PLAUR: variants seen among roughly 807,000 people sequenced by gnomAD.
PLAUR encodes urokinase plasminogen activator surface receptor.
PLAUR carries 22 observed loss-of-function variants against 33.4 expected under a neutral mutation model. The observed-to-expected ratio is 0.66, with a 90% CI of 0.47 to 0.94. PLAUR has a LOEUF of 0.94. Among genes scored for constraint, PLAUR ranks in the 40% least tolerant of loss-of-function variants. The pLI is 0.00. For synonymous variants in PLAUR, 148 were observed against 167.3 expected (o/e 0.88, Z 0.89); for missense variants, 408 against 434.7 (o/e 0.94, Z 0.55).
At chr19:43,657,661 C>T (rs1974269437) in intron 3 of PLAUR, among the ~76,000 whole-genome samples, 3 of 152,214 alleles carry the variant, frequency 2.0e-5, no homozygotes, top group Admixed American at 2.0e-4. Flanking sequence ...TGGTCACTGT[C>T]TGGTGACAGG....
chr19:43,667,704 G>A lies in PLAUR; in HGVS notation c.56-13C>T, dbSNP rs1967318378. 1 of 1,612,914 alleles carries A rather than the reference G, an allele frequency of 6.2e-7. No individual in the cohort carries two copies. The highest frequency in any genetic ancestry group is 1.1e-5 in the South Asian group (1 of 91,066). ...AGGCCCCAAGAGGCTGGGGGAAGGA[G>A]GGAGAGGAGAGGAGAGGTTAACTAC... On this transcript the variant is annotated splice_polypyrimidine_tract_variant and intron_variant, in intron 1 of 6. Transcript: ENST00000340093.
In PLAUR at chr19:43,665,544, C is replaced by T. The variant is rs191493984; in HGVS notation, c.167-85G>A. ...ACTCCTGGTCTCAAGGTCATCCACT[C>T]CCAGGGCTGATCTCTGCTAGGCCTC... On this transcript the variant is annotated intron_variant, in intron 2 of 6. Coordinates refer to ENST00000340093, the MANE Select transcript of PLAUR (RefSeq NM_002659.4). The T allele has an allele frequency of 1.7e-4, 238 of 1,398,954 alleles. 2 individuals are homozygous for T. The African/African-American group carries it at 2.9e-3, about 17-fold the overall frequency. The allele number at this position is 1,398,954 out of a possible 1,614,324, so 86.7% of individuals were successfully genotyped here.
chr19:43,652,147 G>C (rs1450683017), intron 6 of PLAUR, 78 bp downstream of exon 6: 3 of 1,576,782 alleles, frequency 1.9e-6, no homozygotes, highest in Non-Finnish European at 2.6e-6. Context: ...GTTAACTCCA[G>C]CTTAACTGGA....
chr19:43,659,451 C>G (rs1974351801), intron 3 of PLAUR, among the ~76,000 whole-genome samples: 1 of 152,138 alleles, frequency 6.6e-6, no homozygotes, highest in South Asian at 2.1e-4. Flanking sequence ...CGCACCTGGC[C>G]AGGGCTCTGT....
chr19:43,656,371 G>T (rs1053335431), intron 4 of PLAUR, 108 bp downstream of exon 4: 2 of 1,018,064 alleles, frequency 2.0e-6, no homozygotes, highest in Non-Finnish European at 2.8e-6. Flanking sequence ...GTGTATGAGA[G>T]AACTTAGTCC....
intron 1 of PLAUR, chr19:43,667,937 C>A: frequency 7.4e-7 from 1 of 1,359,294 alleles, no homozygotes; most frequent in Non-Finnish European, 9.5e-7. Flanking sequence ...CCTGCCTTGG[C>A]CCGTTTTTCC....
At position 43,670,153 on chromosome 19, in the gene PLAUR, T is replaced by C. The variant is rs750785227; in HGVS notation, c.-33A>G. On this transcript the variant is annotated 5_prime_UTR_variant, in exon 1 of 7. Transcript: ENST00000340093. ...GGGCAGCTCCTGTGCGCGGGGTCCC[T>C]GCACGTCTTCTCTCCTTCTGGCCTC... is the stretch of plus-strand genomic sequence containing the variant. 3.7e-6 allele frequency: 6 copies of C among 1,603,532 alleles called. No individual in the cohort carries two copies.
In PLAUR at chr19:43,652,245, A is replaced by T; in HGVS notation, c.734T>A (p.Leu245Gln). 1 of 1,614,076 alleles carries T rather than the reference A, an allele frequency of 6.2e-7. No individual in the cohort carries two copies. Among genetic ancestry groups the T allele is most frequent in the Non-Finnish European group, 8.5e-7 (1 of 1,179,976 alleles). ...IDCRGPMNQC[L>Q]VATGTHEPKN... ...CTCACCGTGAGTGCCGGTGGCTACC[A>T]GACATTGATTCATGGGGCCTCGGCA... The change falls in exon 6 of 7, where the codon CTG becomes CAG. Residue 245 changes from leucine (L) to glutamine (Q), a missense_variant. By Grantham distance (113) the Leu-to-Gln change is moderately radical. Coordinates refer to ENST00000340093, the MANE Select transcript of PLAUR (RefSeq NM_002659.4).
chr19:43,649,683 A>G (rs962285321), intron 6 of PLAUR, among the ~76,000 whole-genome samples: 4 of 151,134 alleles, frequency 2.6e-5, no homozygotes, highest in African/African-American at 9.7e-5. Flanking sequence ...GAAGGAAGGA[A>G]GGGAGGAAGG....
At chr19:43,662,082 C>G (rs1967022074) in intron 3 of PLAUR, among the ~76,000 whole-genome samples, 1 of 152,172 alleles carries the variant, frequency 6.6e-6, no homozygotes, top group Non-Finnish European at 1.5e-5. Flanking sequence ...ACCTGACACC[C>G]TAGTCCTGCT....
Position 43,656,822 on chromosome 19 carries a change from CAGTCCAGCTCAGACCTCCTTCAACT to C in PLAUR, c.311-207_311-183del, listed in dbSNP as rs1341516520. 7.7e-5 allele frequency: 39 copies of C among 507,594 alleles called. No individual in the cohort carries two copies. In the East Asian group the frequency reaches 1.3e-3, roughly 17 times the overall value. The allele number at this position is 507,594 out of a possible 1,614,324, so 31.4% of individuals were successfully genotyped here. On this transcript the variant is annotated intron_variant, in intron 3 of 6. Coordinates refer to ENST00000340093, the MANE Select transcript of PLAUR (RefSeq NM_002659.4). ...CCCCCTCCTTTCCAGCCCCATGGAC[CAGTCCAGCTCAGACCTCCTTCAACT>C]CCAGCTACCTCCCTAGCCTCTGGGT...
chr19:43,664,584 A>G (rs574109741), intron 3 of PLAUR, among the ~76,000 whole-genome samples: 1 of 152,238 alleles, frequency 6.6e-6, no homozygotes, highest in African/African-American at 2.4e-5. Flanking sequence ...TGCTTGGATT[A>G]CAGGCATGAG....
intron 3 of PLAUR, among the ~76,000 whole-genome samples, chr19:43,662,819 A>T (rs1219937033): frequency 6.6e-6 from 1 of 151,072 alleles, no homozygotes; most frequent in African/African-American, 2.4e-5. Context: ...GGCTATAGTG[A>T]TCCTCCCGCC....
rs533193341 is a variant in PLAUR at position 43,659,593 on chromosome 19, C to T, written c.311-2953G>A. Among the ~76,000 whole-genome samples the T allele has an allele frequency of 3.5e-3, 537 of 152,294 alleles. 4 individuals carry two copies. Among genetic ancestry groups the T allele is most frequent in the African/African-American group, 0.013 (522 of 41,546 alleles). Reference sequence around the variant, plus strand: ...TAGACTTCTCTCTGAGCTCCAGACACGCAACTGTCTCTTCGAGGCCCCATG... The same window carrying T: ...TAGACTTCTCTCTGAGCTCCAGACATGCAACTGTCTCTTCGAGGCCCCATG... On this transcript the variant is annotated intron_variant, in intron 3 of 6. Transcript: ENST00000340093.
chr19:43,660,122 T>C (rs570781852), intron 3 of PLAUR, among the ~76,000 whole-genome samples: 26 of 150,182 alleles, frequency 1.7e-4, no homozygotes, highest in African/African-American at 6.4e-4. Flanking sequence ...TTTTTGTTTT[T>C]TGTTTTGTTT....
intron 5 of PLAUR, among the ~76,000 whole-genome samples, chr19:43,654,318 A>G (rs540520039): frequency 6.6e-6 from 1 of 151,822 alleles, no homozygotes; most frequent in African/African-American, 2.4e-5. Flanking sequence ...CCAAAAACGA[A>G]TCTAAACAAA....
chr19:43,651,163 C>T (rs1233996591), intron 6 of PLAUR, among the ~76,000 whole-genome samples: 2 of 152,068 alleles, frequency 1.3e-5, no homozygotes, highest in Non-Finnish European at 2.9e-5. Context: ...ACCGCAACCT[C>T]TGCCTCCCAG....
intron 3 of PLAUR, among the ~76,000 whole-genome samples, chr19:43,663,838 GAAAGAAAAAAGA>G (rs1214847299): frequency 3.4e-5 from 5 of 144,998 alleles, no homozygotes; most frequent in African/African-American, 1.0e-4. Flanking sequence ...AAAAAAAAAA[GAAAGAAAAAAGA>G]AAAGAAAAAG....
chr19:43,655,645 T>C, intron 4 of PLAUR, 72 bp from the exon 5 acceptor site: 1 of 1,391,688 alleles, frequency 7.2e-7, no homozygotes, highest in Non-Finnish European at 9.9e-7. Flanking sequence ...TTGCCCGAAA[T>C]AGCAGGCATT....
Sources: allele counts gnomAD v4.1 joint callset (sites outside exome capture counted in the v4.1 genomes callset), GRCh38; gene constraint gnomAD v4.1.1; transcripts MANE v1.5; gene names NCBI Gene and HGNC (gene_info 2026-07-23, HGNC 2026-07-21).